Variants in ECT2 observed in about 807,000 individuals in gnomAD.
The protein encoded by ECT2 is epithelial cell transforming 2.
In ECT2, 61 loss-of-function variants were observed where a neutral mutation model predicts 116.9. The ratio of observed to expected loss-of-function variants is 0.52; its 90% CI spans 0.42 to 0.65. ECT2 has a LOEUF of 0.65. Among genes scored for constraint, ECT2 ranks in the 30% least tolerant of loss-of-function variants. The pLI is 0.00. For synonymous variants in ECT2, 358 were observed against 346.4 expected (o/e 1.03, Z -0.37); for missense variants, 937 against 1,078.7 (o/e 0.87, Z 1.84).
chr3:172,760,317 G>A, intron 7 of ECT2, 54 bp downstream of exon 7: 1 of 1,065,240 alleles, frequency 9.4e-7, no homozygotes, highest in Non-Finnish European at 1.4e-6. Context: ...TTTTGGCATG[G>A]GTTTAATAAT....
chr3:172,816,518 A>G (rs573074435), intron 23 of ECT2, among the ~76,000 whole-genome samples, 173 bp from the exon 24 acceptor site: 4 of 152,246 alleles, frequency 2.6e-5, no homozygotes, highest in African/African-American at 7.2e-5. Flanking sequence ...TCTCTAAATG[A>G]AAGTTTAAAT....
At chr3:172,773,250 C>T (rs1720984202) in intron 13 of ECT2, among the ~76,000 whole-genome samples, 1 of 151,956 alleles carries the variant, frequency 6.6e-6, no homozygotes, top group South Asian at 2.1e-4. Context: ...TATATTTATA[C>T]TTAAGTATTT....
chr3:172,767,170 C>T (rs755932245), intron 12 of ECT2, among the ~76,000 whole-genome samples: 27 of 152,250 alleles, frequency 1.8e-4, no homozygotes, highest in Non-Finnish European at 2.6e-4. Flanking sequence ...GGGCTGGGCG[C>T]GGTGGCCCAC....
chr3:172,765,794 A>G (rs1364004600), intron 12 of ECT2, among the ~76,000 whole-genome samples: 1 of 152,140 alleles, frequency 6.6e-6, no homozygotes, highest in Admixed American at 6.5e-5. Context: ...CTCATGTGGT[A>G]TTATGCTCTC....
intron 22 of ECT2, among the ~76,000 whole-genome samples, chr3:172,811,690 G>A (rs1308219602): frequency 6.6e-6 from 1 of 152,090 alleles, no homozygotes. Flanking sequence ...GAGCATTTCA[G>A]CAAAATTAAA....
At chr3:172,760,351 C>T (rs964255049) in intron 7 of ECT2, 88 bp downstream of exon 7, 15 of 681,570 alleles carry the variant, frequency 2.2e-5, no homozygotes, top group Non-Finnish European at 3.2e-5. Context: ...CTATTTCTTT[C>T]ACAATTAAAG....
At chr3:172,789,093 C>G (rs1351680247) in intron 18 of ECT2, among the ~76,000 whole-genome samples, 1 of 150,628 alleles carries the variant, frequency 6.6e-6, no homozygotes, top group Non-Finnish European at 1.5e-5. Flanking sequence ...ATTATCTGAG[C>G]CTTCAGTAAG....
At position 172,761,014 on chromosome 3, in the gene ECT2, C is replaced by A. The variant is rs150562449; in HGVS notation, c.685-596C>A. Among the ~76,000 whole-genome samples, 84 of 152,162 alleles carry A rather than the reference C, an allele frequency of 5.5e-4. 1 individual carries two copies. The East Asian group carries it at 0.016, about 29-fold the overall frequency. On this transcript the variant is annotated intron_variant, in intron 7 of 24. Coordinates refer to ENST00000392692, the MANE Select transcript of ECT2 (RefSeq NM_001258315.2). ...GGGATTACAGGCATGAGCCACTGTG[C>A]CTGGCTGTCTAAGTGCCCTTCATAA...
intron 9 of ECT2, 62 bp from the exon 10 acceptor site, chr3:172,762,629 A>C: frequency 3.2e-6 from 5 of 1,579,254 alleles, no homozygotes; most frequent in Non-Finnish European, 4.3e-6. Flanking sequence ...ATACCTCTTA[A>C]AAAATTTGAG....
intron 17 of ECT2, among the ~76,000 whole-genome samples, chr3:172,785,627 A>C (rs187310615): frequency 6.6e-4 from 101 of 152,264 alleles, no homozygotes; most frequent in Non-Finnish European, 1.3e-3. Context: ...CAAGGAGGCA[A>C]ATTTTGTGAC....
intron 18 of ECT2, among the ~76,000 whole-genome samples, chr3:172,796,975 C>T (rs1725765214): frequency 6.7e-6 from 1 of 149,334 alleles, no homozygotes; most frequent in Non-Finnish European, 1.5e-5. Context: ...CTTAAGGTAG[C>T]ATTTTCCTTT....
rs562659642 is a variant in ECT2, at chr3:172,760,085, TG to T, written c.577-67del. The T allele has an allele frequency of 1.2e-4, 102 of 873,184 alleles. 2 individuals carry two copies. Among genetic ancestry groups the T allele is most frequent in the South Asian group, 1.1e-3 (53 of 48,710 alleles). The allele number at this position is 873,184 out of a possible 1,614,324, so 54.1% of individuals were successfully genotyped here. A position where few individuals can be genotyped will look rare whatever the true frequency, so the allele number is the denominator to read the frequency against. ...GAAAGTATTTAGCAAATGCTAAATG[TG>T]GGGTAAACATAGTTTAAAATTTTGT... On this transcript the variant is annotated intron_variant, in intron 6 of 24. Transcript: ENST00000392692.
chr3:172,773,843 A>G (rs371545957), intron 13 of ECT2, 60 bp from the exon 14 acceptor site: 21 of 1,525,692 alleles, frequency 1.4e-5, no homozygotes, highest in East Asian at 9.1e-5. Flanking sequence ...ATCACTGTCT[A>G]TCTTTTAGCT....
At chr3:172,773,498 A>C (rs1409954848) in intron 13 of ECT2, among the ~76,000 whole-genome samples, 2 of 152,122 alleles carry the variant, frequency 1.3e-5, no homozygotes, top group Non-Finnish European at 2.9e-5. Context: ...CCCCCAAGCC[A>C]AGCTTCTACA....
chr3:172,796,688 A>C (rs1484176536), intron 18 of ECT2: 2 of 152,068 alleles, frequency 1.3e-5, no homozygotes, highest in Non-Finnish European at 2.9e-5. Flanking sequence ...TATTTATTGG[A>C]GATAGTCTCA....
rs73175006 is a variant in ECT2 at position 172,790,190 on chromosome 3, A to T, written c.1907+3616A>T. Among the ~76,000 whole-genome samples the T allele has an allele frequency of 9.4e-3, 1,433 of 152,292 alleles. 11 individuals are homozygous for T. Among genetic ancestry groups the T allele is most frequent in the Middle Eastern group, 0.024 (7 of 294 alleles). ...TCACCTGCCCGACATATGGTCTTAA[A>T]TGGCAACCCAGATGGTGAATCCTTT... On this transcript the variant is annotated intron_variant, in intron 18 of 24. Coordinates refer to ENST00000392692, the MANE Select transcript of ECT2 (RefSeq NM_001258315.2).
intron 24 of ECT2, chr3:172,818,507 A>T: frequency 3.4e-6 from 4 of 1,182,820 alleles, no homozygotes; most frequent in Non-Finnish European, 4.3e-6. Context: ...CCTTCAAGAC[A>T]TTAATGTCAT....
At chr3:172,771,561 T>C (rs1323525848) in intron 13 of ECT2, among the ~76,000 whole-genome samples, 1 of 152,204 alleles carries the variant, frequency 6.6e-6, no homozygotes, top group African/African-American at 2.4e-5. Flanking sequence ...TGAGATGAGA[T>C]GGCCTATACC....
At chr3:172,783,665 A>G (rs936508395) in intron 15 of ECT2, 134 bp from the exon 16 acceptor site, 4 of 607,554 alleles carry the variant, frequency 6.6e-6, no homozygotes, top group African/African-American at 3.9e-5. Flanking sequence ...TTTGTTCTCA[A>G]ACATAGAAAT....
Sources: allele counts gnomAD v4.1 joint callset (sites outside exome capture counted in the v4.1 genomes callset), GRCh38; gene constraint gnomAD v4.1.1; transcripts MANE v1.5; gene names NCBI Gene and HGNC (gene_info 2026-07-23, HGNC 2026-07-21).